The following ADAMTS2 variants were observed in gnomAD, a reference collection of about 807,000 sequenced individuals.
ADAMTS2 encodes A disintegrin and metalloproteinase with thrombospondin motifs 2.
In ADAMTS2, 50 loss-of-function variants were observed where a neutral mutation model predicts 123.0. That is an observed-to-expected ratio of 0.41 (90% CI 0.32 to 0.51). The LOEUF (loss-of-function observed/expected upper bound fraction) is 0.51, where lower values mean the gene tolerates loss of function less well. Among genes scored for constraint, ADAMTS2 ranks in the 20% least tolerant of loss-of-function variants. The pLI, the probability that ADAMTS2 is intolerant of heterozygous loss-of-function variation, is 0.35. For synonymous variants in ADAMTS2, 678 were observed against 695.4 expected (o/e 0.98, Z 0.39); for missense variants, 1,494 against 1,705.2 (o/e 0.88, Z 2.18).
rs1330332642 is a variant in ADAMTS2, at chr5:179,336,098, G to A, written c.534+7669C>T. On this transcript the variant is annotated intron_variant, in intron 2 of 21. Transcript: ENST00000251582. ...GACATTCTGCACAGAGCTGGTGAAG[G>A]CTGGTCCCCCCAACACGCATCTTTC... Among the ~76,000 whole-genome samples the A allele has an allele frequency of 2.0e-5, 3 of 152,332 alleles. No individual in the cohort carries two copies. The South Asian group carries it at 6.2e-4, about 32-fold the overall frequency.
intron 10 of ADAMTS2, among the ~76,000 whole-genome samples, chr5:179,150,627 T>A (rs1002142589): frequency 3.9e-5 from 6 of 152,198 alleles, no homozygotes; most frequent in African/African-American, 1.4e-4. Flanking sequence ...CCACACAGGA[T>A]GGCCCTTGGA....
chr5:179,187,287 C>T (rs1173846204), intron 4 of ADAMTS2, among the ~76,000 whole-genome samples: 2 of 152,200 alleles, frequency 1.3e-5, no homozygotes, highest in Non-Finnish European at 2.9e-5. Flanking sequence ...CCTGGCGTGA[C>T]CTCCAGGCCA....
intron 2 of ADAMTS2, among the ~76,000 whole-genome samples, chr5:179,278,209 C>T (rs1229566314): frequency 4.1e-5 from 6 of 144,654 alleles, no homozygotes; most frequent in African/African-American, 7.7e-5. Context: ...CATCAGCTGA[C>T]GTCCTGCCAA....
chr5:179,194,271 G>T (rs556396165), intron 4 of ADAMTS2, among the ~76,000 whole-genome samples: 2 of 152,250 alleles, frequency 1.3e-5, no homozygotes, highest in East Asian at 3.9e-4. Context: ...ACCCCTGTTC[G>T]AGTGTTCCCC....
At chr5:179,216,586 T>G (rs1176652131) in intron 3 of ADAMTS2, among the ~76,000 whole-genome samples, 1 of 152,316 alleles carries the variant, frequency 6.6e-6, no homozygotes, top group East Asian at 1.9e-4. Flanking sequence ...CTCGAGACCT[T>G]GCTCACGACT....
rs887876223 is a variant in ADAMTS2 at position 179,330,744 on chromosome 5, C to T, written c.534+13023G>A. 5.9e-5 allele frequency among the ~76,000 whole-genome samples: 9 copies of T among 152,352 alleles called. No homozygotes were observed. The South Asian group carries it at 1.2e-3, about 21-fold the overall frequency. ...CAGCAGCCCTGCTCATCGGGCCACC[C>T]TCCCCAGTGAGGACACAGCCCGTGA... is the stretch of plus-strand genomic sequence containing the variant. On this transcript the variant is annotated intron_variant, in intron 2 of 21. Coordinates refer to ENST00000251582, the MANE Select transcript of ADAMTS2 (RefSeq NM_014244.5).
chr5:179,295,410 A>T (rs1178507921), intron 2 of ADAMTS2, among the ~76,000 whole-genome samples: 1 of 152,104 alleles, frequency 6.6e-6, no homozygotes, highest in Non-Finnish European at 1.5e-5. Flanking sequence ...GGTGGCCCCC[A>T]GCCTCCCCGC....
chr5:179,200,397 T>G (rs1014556118), intron 4 of ADAMTS2, among the ~76,000 whole-genome samples: 2 of 151,972 alleles, frequency 1.3e-5, no homozygotes, highest in Non-Finnish European at 2.9e-5. Context: ...TACAGGCACG[T>G]GCCACCACAC....
chr5:179,142,942 C>T (rs189208932), intron 10 of ADAMTS2, among the ~76,000 whole-genome samples: 21 of 152,220 alleles, frequency 1.4e-4, no homozygotes, highest in Admixed American at 6.5e-4. Flanking sequence ...GTGACCCATA[C>T]GCAGGAAATG....
rs985230367 is a variant in ADAMTS2, at chr5:179,325,010, G to A, written c.534+18757C>T. Among the ~76,000 whole-genome samples the A allele has an allele frequency of 8.5e-5, 13 of 152,308 alleles. No homozygotes were observed. The East Asian group carries it at 2.3e-3, about 27-fold the overall frequency. The stretch of plus-strand genomic sequence containing the variant: ...TTCTTCAGCCACCCGATCACACCCC[G>A]ACACACACTAGGCCCTGGTTCCTTC... On this transcript the variant is annotated intron_variant, in intron 2 of 21. Transcript: ENST00000251582.
Position 179,345,375 on chromosome 5 carries a change from A to G in ADAMTS2, c.-47T>C. ...GCCCCGCACTCGCAGCCGGCGCGAA[A>G]GTTCCCCGCGAGCCGCCCAGCCCAC... is the stretch of plus-strand genomic sequence containing the variant. On this transcript the variant is annotated 5_prime_UTR_variant, in exon 1 of 22. Coordinates refer to ENST00000251582, the MANE Select transcript of ADAMTS2 (RefSeq NM_014244.5). The surrounding 1 kb of genome is among the most constrained non-coding windows in gnomAD (Gnocchi z 7.5). The G allele has an allele frequency of 1.8e-6, 2 of 1,101,330 alleles. No homozygotes were observed. Among genetic ancestry groups the G allele is most frequent in the Non-Finnish European group, 1.1e-6 (1 of 904,800 alleles). The allele number at this position is 1,101,330 out of a possible 1,614,324, so 68.2% of individuals were successfully genotyped here. A position where few individuals can be genotyped will look rare whatever the true frequency, so the allele number is the denominator to read the frequency against.
rs2127463501 is a variant in ADAMTS2 at position 179,344,157 on chromosome 5, C to T, written c.144G>A (p.Gly48=). 2 of 1,597,366 alleles carry T rather than the reference C, an allele frequency of 1.3e-6. No homozygotes were observed. Among genetic ancestry groups the T allele is most frequent in the South Asian group, 1.1e-5 (1 of 88,988 alleles). Residue 48 remains glycine, a synonymous_variant, in exon 2 of 22, where the codon GGG becomes GGA. Coordinates refer to ENST00000251582, the MANE Select transcript of ADAMTS2 (RefSeq NM_014244.5). ...TGCGCTCCGCTCCGTGCCCCAGGGG[C>T]CCGCCTGCAACGGGAAGGGGCGTTA... ...RLAAAADPPG[G]PLGHGAERIL...
chr5:179,329,092 CCAAGG>C (rs1561753956), intron 2 of ADAMTS2, among the ~76,000 whole-genome samples: 1 of 152,128 alleles, frequency 6.6e-6, no homozygotes, highest in Non-Finnish European at 1.5e-5. Context: ...CTTTGGGAGG[CCAAGG>C]AGGGCGGATC....
At chr5:179,316,393 C>T (rs1032701295) in intron 2 of ADAMTS2, among the ~76,000 whole-genome samples, 3 of 152,214 alleles carry the variant, frequency 2.0e-5, no homozygotes, top group Non-Finnish European at 4.4e-5. Flanking sequence ...CTGAGAGCAG[C>T]AGGGCCCTCA....
intron 10 of ADAMTS2, among the ~76,000 whole-genome samples, chr5:179,141,186 G>A (rs1168424729): frequency 6.6e-6 from 1 of 152,134 alleles, no homozygotes. Flanking sequence ...AGAACAGAAA[G>A]AGAACGCAGC....
intron 5 of ADAMTS2, among the ~76,000 whole-genome samples, chr5:179,169,004 C>G (rs1462741846): frequency 6.6e-6 from 1 of 152,252 alleles, no homozygotes; most frequent in Admixed American, 6.5e-5. Flanking sequence ...GAACAGGATT[C>G]TCAACTTGAG....
chr5:179,188,022 C>T lies in ADAMTS2; in HGVS notation c.892-6867G>A, dbSNP rs948286649. On this transcript the variant is annotated intron_variant, in intron 4 of 21. Coordinates refer to ENST00000251582, the MANE Select transcript of ADAMTS2 (RefSeq NM_014244.5). The surrounding 1 kb of genome is among the most constrained non-coding windows in gnomAD (Gnocchi z 5.1). ...TGGGCAGAGGTGACTTTGTCCTCTG[C>T]CAAGGTGGGGGAGGGGTGCAGAAAG... 6.6e-6 allele frequency among the ~76,000 whole-genome samples: 1 copy of T among 151,700 alleles called. No individual in the cohort carries two copies. Among genetic ancestry groups the T allele is most frequent in the African/African-American group, 2.4e-5 (1 of 41,246 alleles).
rs545486124 is a variant in ADAMTS2 at position 179,314,186 on chromosome 5, G to A, written c.534+29581C>T. Among the ~76,000 whole-genome samples the A allele has an allele frequency of 6.6e-6, 1 of 152,368 alleles. No homozygotes were observed. The highest frequency in any genetic ancestry group is 1.9e-4 in the East Asian group (1 of 5,184). On this transcript the variant is annotated intron_variant, in intron 2 of 21. Transcript: ENST00000251582. This position sits in a 1 kb window ranked among gnomAD's most constrained non-coding sequence, Gnocchi z 4.5. Reference sequence around the variant, plus strand: ...AGCACACAGACCGGCCAGGGCCAGGGCCAGGACTGGCATTTCCCGGGCTCC... The same window carrying A: ...AGCACACAGACCGGCCAGGGCCAGGACCAGGACTGGCATTTCCCGGGCTCC...
At chr5:179,161,468 C>T (rs1195745015) in intron 5 of ADAMTS2, among the ~76,000 whole-genome samples, 2 of 152,196 alleles carry the variant, frequency 1.3e-5, no homozygotes, top group Non-Finnish European at 2.9e-5. Context: ...ACTGCACGCT[C>T]TCACTCATAC....
Sources: gnomAD v4.1 joint callset for allele counts (sites outside exome capture counted in the v4.1 genomes callset) on GRCh38, gnomAD v4.1.1 for gene constraint, Gnocchi (gnomAD v3.1) non-coding constraint, MANE v1.5 for transcripts, NCBI Gene and HGNC (gene_info 2026-07-23, HGNC 2026-07-21) for gene names.